Variants in B4GALNT3 observed in about 807,000 individuals in gnomAD.
B4GALNT3 encodes the protein beta-1,4-N-acetylgalactosaminyltransferase 3.
B4GALNT3 carries 86 observed loss-of-function variants against 120.2 expected under a neutral mutation model. The ratio of observed to expected loss-of-function variants is 0.72; its 90% CI spans 0.60 to 0.86. B4GALNT3 has a LOEUF of 0.86. B4GALNT3 is among the 40% of genes least tolerant of loss of function. The pLI is 0.00. For missense variants in B4GALNT3, 1,167 were observed against 1,298.9 expected (o/e 0.90, Z 1.56); for synonymous variants, 518 against 510.4 (o/e 1.01, Z -0.20).
intron 1 of B4GALNT3, among the ~76,000 whole-genome samples, chr12:494,781 G>C (rs1310028489): frequency 1.3e-5 from 2 of 152,016 alleles, no homozygotes; most frequent in East Asian, 1.9e-4. Flanking sequence ...GTGATGGGGG[G>C]AGTAAACTGG....
intron 1 of B4GALNT3, among the ~76,000 whole-genome samples, chr12:468,212 A>C (rs1946100803): frequency 6.6e-6 from 1 of 151,984 alleles, no homozygotes; most frequent in African/African-American, 2.4e-5. Context: ...CAATCACCTA[A>C]AATGTCACCA....
rs968790205 is a variant in B4GALNT3, at chr12:552,463, G to T, written c.1209-4G>T. 2.0e-5 allele frequency: 32 copies of T among 1,613,586 alleles called. No individual in the cohort carries two copies. Among genetic ancestry groups the T allele is most frequent in the Non-Finnish European group, 2.5e-5 (29 of 1,179,824 alleles). ...GCCAATGCACACCTCCCTTCCTCCT[G>T]CAGGTTCAGCTTTCAGGAGTACATC... On this transcript the variant is annotated splice_region_variant and splice_polypyrimidine_tract_variant and intron_variant, in intron 12 of 19. Transcript: ENST00000266383.
At chr12:501,229 G>T (rs1946441185) in intron 1 of B4GALNT3, among the ~76,000 whole-genome samples, 1 of 152,108 alleles carries the variant, frequency 6.6e-6, no homozygotes, top group East Asian at 1.9e-4. Flanking sequence ...ATGTCTCTCA[G>T]CTTATTTCCT....
intron 1 of B4GALNT3, among the ~76,000 whole-genome samples, chr12:475,418 T>A (rs941791414): frequency 6.6e-6 from 1 of 152,200 alleles, no homozygotes. Context: ...ACCCTGCTGC[T>A]GGGAGATGCA....
intron 3 of B4GALNT3, among the ~76,000 whole-genome samples, chr12:537,379 G>C (rs1026188683): frequency 6.6e-6 from 1 of 152,158 alleles, no homozygotes; most frequent in Non-Finnish European, 1.5e-5. Flanking sequence ...TAACTTCTGA[G>C]TAGCTAGGAC....
intron 1 of B4GALNT3, among the ~76,000 whole-genome samples, chr12:512,766 TTCC>T (rs1946604652): frequency 7.5e-6 from 1 of 132,560 alleles, no homozygotes; most frequent in African/African-American, 2.9e-5. Context: ...ACCTTCCGCC[TTCC>T]GCCTTCTGCC....
chr12:474,542 A>G (rs1438914344), intron 1 of B4GALNT3, among the ~76,000 whole-genome samples: 2 of 152,178 alleles, frequency 1.3e-5, no homozygotes, highest in African/African-American at 4.8e-5. Context: ...TGAAGAGGCC[A>G]GGCACGGTGG....
chr12:478,627 CA>C (rs1946207234), intron 1 of B4GALNT3, among the ~76,000 whole-genome samples: 1 of 152,094 alleles, frequency 6.6e-6, no homozygotes, highest in African/African-American at 2.4e-5. Flanking sequence ...GCAGCTTTTT[CA>C]ACAGGAAAAA....
rs924306787 is a variant in B4GALNT3 at position 562,250 on chromosome 12, A to C, written c.*799A>C. 6.6e-6 allele frequency: 1 copy of C among 152,406 alleles called. No homozygotes were observed. Among genetic ancestry groups the C allele is most frequent in the East Asian group, 1.9e-4 (1 of 5,204 alleles). 9.4% of individuals were successfully genotyped at this position (152,406 alleles called of 1,614,324 possible). A position where few individuals can be genotyped will look rare whatever the true frequency, so the allele number is the denominator to read the frequency against. On this transcript the variant is annotated 3_prime_UTR_variant, in exon 20 of 20. Coordinates refer to ENST00000266383, the MANE Select transcript of B4GALNT3 (RefSeq NM_173593.4). The surrounding 1 kb of genome is among the most constrained non-coding windows in gnomAD (Gnocchi z 5.2). ...GCAGAACAGGCAGGGTGATGAAGGC[A>C]GGGGAGAGAAGCCCTTTCCCTTACC...
intron 1 of B4GALNT3, among the ~76,000 whole-genome samples, chr12:526,487 C>T (rs1946760445): frequency 6.6e-6 from 1 of 152,190 alleles, no homozygotes. Flanking sequence ...ACCTCTGTGG[C>T]CCTTCGCTAG....
chr12:515,019 A>G (rs577587993), intron 1 of B4GALNT3, among the ~76,000 whole-genome samples: 1 of 152,282 alleles, frequency 6.6e-6, no homozygotes, highest in East Asian at 1.9e-4. Flanking sequence ...CTCTGTCTCA[A>G]AAAGAAAAGA....
rs182176424 is a variant in B4GALNT3, at chr12:561,620, G to T, written c.*169G>T. ...CTGTCCCCTCACAGAGGCAGGTTCCGGGGCTCCTGTCTCTGCCTCCTGGGC... is the reference window on the plus strand; with the variant it reads ...CTGTCCCCTCACAGAGGCAGGTTCCTGGGCTCCTGTCTCTGCCTCCTGGGC... On this transcript the variant is annotated 3_prime_UTR_variant, in exon 20 of 20. Coordinates refer to ENST00000266383, the MANE Select transcript of B4GALNT3 (RefSeq NM_173593.4). 4.2e-5 allele frequency: 25 copies of T among 596,140 alleles called. No individual in the cohort carries two copies. Among genetic ancestry groups the T allele is most frequent in the Admixed American group, 5.9e-5 (2 of 33,638 alleles). 36.9% of individuals were successfully genotyped at this position (596,140 alleles called of 1,614,324 possible).
intron 1 of B4GALNT3, among the ~76,000 whole-genome samples, chr12:475,714 T>G (rs1331228343): frequency 1.3e-5 from 2 of 152,200 alleles, no homozygotes; most frequent in Admixed American, 6.5e-5. Flanking sequence ...GAACTTGTGT[T>G]GCACCTAAGT....
chr12:492,044 C>A (rs995190810), intron 1 of B4GALNT3, among the ~76,000 whole-genome samples: 1 of 132,698 alleles, frequency 7.5e-6, no homozygotes, highest in Non-Finnish European at 1.6e-5. Flanking sequence ...GGCACCAGAA[C>A]GAGACCGTCT....
chr12:561,673 G>C lies in B4GALNT3; in HGVS notation c.*222G>C, dbSNP rs1947233624. 3 of 535,738 alleles carry C rather than the reference G, an allele frequency of 5.6e-6. No homozygotes were observed. The highest frequency in any genetic ancestry group is 1.0e-5 in the Non-Finnish European group (3 of 298,582). The allele number at this position is 535,738 out of a possible 1,614,324, so 33.2% of individuals were successfully genotyped here. A position where few individuals can be genotyped will look rare whatever the true frequency, so the allele number is the denominator to read the frequency against. On this transcript the variant is annotated 3_prime_UTR_variant, in exon 20 of 20. Coordinates refer to ENST00000266383, the MANE Select transcript of B4GALNT3 (RefSeq NM_173593.4). The stretch of plus-strand genomic sequence containing the variant: ...TCAGAAGGGAGGACTTTGAGAGAGA[G>C]GCCAGGAGGGACCACTTGCTCAGTC...
chr12:475,443 T>C (rs1436845026), intron 1 of B4GALNT3, among the ~76,000 whole-genome samples: 1 of 152,156 alleles, frequency 6.6e-6, no homozygotes, highest in East Asian at 1.9e-4. Context: ...AGTGTTTAAA[T>C]CATCCATCTG....
intron 1 of B4GALNT3, among the ~76,000 whole-genome samples, chr12:490,746 C>G (rs574611434): frequency 2.0e-5 from 3 of 150,864 alleles, no homozygotes; most frequent in Admixed American, 2.0e-4. Context: ...AAAAAAATTA[C>G]GGACAACTCT....
chr12:484,617 C>G (rs1037035725), intron 1 of B4GALNT3, among the ~76,000 whole-genome samples: 38 of 152,220 alleles, frequency 2.5e-4, no homozygotes, highest in Middle Eastern at 3.4e-3. Flanking sequence ...TACACTTTCT[C>G]TCCAGATGAG....
chr12:495,246 C>T (rs1288618907), intron 1 of B4GALNT3, among the ~76,000 whole-genome samples: 1 of 152,182 alleles, frequency 6.6e-6, no homozygotes, highest in Non-Finnish European at 1.5e-5. Context: ...AACCCATGCT[C>T]CTAGTCACCT....
Sources: allele counts gnomAD v4.1 joint callset (sites outside exome capture counted in the v4.1 genomes callset), GRCh38; gene constraint gnomAD v4.1.1; non-coding constraint Gnocchi (gnomAD v3.1); transcripts MANE v1.5; gene names NCBI Gene and HGNC (gene_info 2026-07-23, HGNC 2026-07-21).